The following STMN2 variants were observed in gnomAD, a reference collection of about 807,000 sequenced individuals.
STMN2 encodes stathmin 2, also known as stathmin-2.
Under a neutral mutation model 24.1 loss-of-function variants are expected in STMN2, and 2 were observed. That is an observed-to-expected ratio of 0.08 (90% CI 0.03 to 0.26). STMN2 has a LOEUF of 0.26. STMN2 is among the 10% of genes least tolerant of loss of function. STMN2 has a pLI of 1.00. For missense variants in STMN2, 114 were observed against 213.6 expected (o/e 0.53, Z 2.91); for synonymous variants, 83 against 77.5 (o/e 1.07, Z -0.37).
At chr8:79,630,140 C>A (rs1039045) in intron 1 of STMN2, among the ~76,000 whole-genome samples, 1 of 152,012 alleles carries the variant, frequency 6.6e-6, no homozygotes, top group African/African-American at 2.4e-5. Flanking sequence ...ACAATCAACC[C>A]CATCCCACGG....
chr8:79,631,658 C>G (rs1210149385), intron 1 of STMN2, among the ~76,000 whole-genome samples: 2 of 151,994 alleles, frequency 1.3e-5, no homozygotes, highest in Non-Finnish European at 2.9e-5. Context: ...AAGAAGTGTT[C>G]AAAATGAAAT....
intron 1 of STMN2, among the ~76,000 whole-genome samples, chr8:79,612,682 G>C (rs1185945121): frequency 2.6e-5 from 4 of 152,202 alleles, no homozygotes; most frequent in Non-Finnish European, 4.4e-5. Flanking sequence ...CTGGGGTCCT[G>C]TGGCAGCTGG....
chr8:79,616,564 T>C (rs757183382), intron 1 of STMN2, among the ~76,000 whole-genome samples: 1 of 152,212 alleles, frequency 6.6e-6, no homozygotes, highest in Non-Finnish European at 1.5e-5. Context: ...AGACATTCTG[T>C]CTTCCGAACA....
intron 2 of STMN2, among the ~76,000 whole-genome samples, chr8:79,639,191 AT>A (rs1810036668): frequency 6.6e-6 from 1 of 152,218 alleles, no homozygotes; most frequent in Non-Finnish European, 1.5e-5. Flanking sequence ...GGTTGCCACA[AT>A]TTTAAAAAGA....
At chr8:79,663,164 A>AG (rs1464629123) in intron 4 of STMN2, among the ~76,000 whole-genome samples, 1 of 152,168 alleles carries the variant, frequency 6.6e-6, no homozygotes, top group Non-Finnish European at 1.5e-5. Flanking sequence ...AAGGAAGTAT[A>AG]GGGTGGTCTA....
chr8:79,623,353 G>A (rs906263954), intron 1 of STMN2, among the ~76,000 whole-genome samples: 4 of 152,168 alleles, frequency 2.6e-5, no homozygotes, highest in African/African-American at 7.2e-5. Flanking sequence ...AAGATATCTT[G>A]TGAAATCAAA....
intron 1 of STMN2, among the ~76,000 whole-genome samples, chr8:79,616,485 A>G (rs1204553282): frequency 1.3e-5 from 2 of 152,184 alleles, no homozygotes; most frequent in African/African-American, 4.8e-5. Flanking sequence ...TCAAACTTTG[A>G]TGTGCATATG....
intron 4 of STMN2, among the ~76,000 whole-genome samples, chr8:79,661,836 T>A (rs2130400071): frequency 1.3e-5 from 2 of 152,228 alleles, no homozygotes; most frequent in South Asian, 4.1e-4. Context: ...TCTCAATGTA[T>A]GAACATGTGC....
At chr8:79,634,279 T>C (rs999944250) in intron 1 of STMN2, among the ~76,000 whole-genome samples, 19 of 152,154 alleles carry the variant, frequency 1.2e-4, no homozygotes, top group Admixed American at 2.6e-4. Flanking sequence ...TAAATCTGGA[T>C]CTGCCTGGGC....
intron 1 of STMN2, among the ~76,000 whole-genome samples, chr8:79,636,495 CCT>C (rs1390989927): frequency 6.6e-6 from 1 of 152,106 alleles, no homozygotes; most frequent in Non-Finnish European, 1.5e-5. Flanking sequence ...CCATCTGTTT[CCT>C]CTCTCTCCCT....
intron 1 of STMN2, chr8:79,620,977 C>G: frequency 1.9e-5 from 19 of 985,106 alleles, no homozygotes; most frequent in Non-Finnish European, 2.3e-5. Flanking sequence ...CCTGTAGGGT[C>G]CCCAAGCAGC....
intron 1 of STMN2, among the ~76,000 whole-genome samples, chr8:79,616,138 T>G (rs183604276): frequency 2.6e-5 from 4 of 152,134 alleles, no homozygotes; most frequent in African/African-American, 9.6e-5. Context: ...ACTGAGGAGG[T>G]GTACCAAAAA....
intron 2 of STMN2, among the ~76,000 whole-genome samples, chr8:79,637,178 T>C (rs957864545): frequency 2.6e-5 from 4 of 152,226 alleles, no homozygotes; most frequent in African/African-American, 9.6e-5. Context: ...CTAAGGTCTT[T>C]CTTTGCAAAT....
intron 4 of STMN2, 137 bp downstream of exon 4, chr8:79,655,199 C>A: frequency 1.1e-6 from 1 of 902,494 alleles, no homozygotes; most frequent in Non-Finnish European, 1.7e-6. Context: ...TGGGCAGGGT[C>A]TCACAGTGTA....
chr8:79,652,917 C>T (rs552864827), intron 3 of STMN2, among the ~76,000 whole-genome samples: 1 of 152,110 alleles, frequency 6.6e-6, no homozygotes, highest in Admixed American at 6.6e-5. Flanking sequence ...CCAACAGTCC[C>T]ACCTAGAGGC....
At chr8:79,656,028 T>C (rs1806352110) in intron 4 of STMN2, among the ~76,000 whole-genome samples, 1 of 152,188 alleles carries the variant, frequency 6.6e-6, no homozygotes, top group African/African-American at 2.4e-5. Context: ...GAGTTTCATG[T>C]CTTCTGTTAG....
intron 4 of STMN2, among the ~76,000 whole-genome samples, chr8:79,657,689 G>C (rs953115309): frequency 6.6e-5 from 10 of 152,158 alleles, no homozygotes; most frequent in African/African-American, 2.4e-4. Flanking sequence ...TCTTTGGCCA[G>C]TGTCAGTCAA....
At position 79,655,167 on chromosome 8, in the gene STMN2, G is replaced by A. The variant is rs151249962; in HGVS notation, c.480+105G>A. On this transcript the variant is annotated intron_variant, in intron 4 of 4. Coordinates refer to ENST00000220876, the MANE Select transcript of STMN2 (RefSeq NM_007029.4). ...GAGACGAAGTCAAAATTTGCTGCAG[G>A]TGTGAGGACAACTAACTCCCATGGG... The A allele has an allele frequency of 8.1e-3, 10,980 of 1,354,384 alleles. 75 individuals are homozygous for A. Among genetic ancestry groups the A allele is most frequent in the Non-Finnish European group, 9.9e-3 (9,815 of 989,568 alleles). The allele number at this position is 1,354,384 out of a possible 1,614,324, so 83.9% of individuals were successfully genotyped here.
rs1033466436 is a variant in STMN2, at chr8:79,654,573, G to A, written c.289-298G>A. On this transcript the variant is annotated intron_variant, in intron 3 of 4. Transcript: ENST00000220876. ...TTATAGCATTTTCTGTTGCATAAAC[G>A]CTTAGCAACAAAGCCTTTTTTTAAA... Among the ~76,000 whole-genome samples, 10 of 152,170 alleles carry A rather than the reference G, an allele frequency of 6.6e-5. No individual in the cohort carries two copies. The East Asian group carries it at 1.7e-3, about 26-fold the overall frequency.
Sources: allele counts gnomAD v4.1 joint callset (sites outside exome capture counted in the v4.1 genomes callset), GRCh38; gene constraint gnomAD v4.1.1; transcripts MANE v1.5; gene names NCBI Gene and HGNC (gene_info 2026-07-23, HGNC 2026-07-21).